The following CRISP1 variants were observed in gnomAD, a reference collection of about 807,000 sequenced individuals.
CRISP1 encodes the protein cysteine rich secretory protein 1.
CRISP1 carries 44 observed loss-of-function variants against 33.1 expected under a neutral mutation model. That is an observed-to-expected ratio of 1.33 (90% CI 1.05 to 1.71). The LOEUF (loss-of-function observed/expected upper bound fraction) is 1.71. Ranked by LOEUF, CRISP1 falls within the 40% of genes most tolerant of loss-of-function variation. The pLI is 0.00. For synonymous variants in CRISP1, 103 were observed against 98.7 expected (o/e 1.04, Z -0.26); for missense variants, 390 against 301.2 (o/e 1.29, Z -2.18).
chr6:49,860,341 C>T (rs984756440), intron 1 of CRISP1, among the ~76,000 whole-genome samples: 16 of 152,126 alleles, frequency 1.1e-4, no homozygotes, highest in African/African-American at 3.4e-4. Flanking sequence ...GCACATGAAA[C>T]ATTCTCTAGG....
chr6:49,860,938 T>C (rs1180076637), intron 1 of CRISP1, among the ~76,000 whole-genome samples: 1 of 151,738 alleles, frequency 6.6e-6, no homozygotes, highest in Non-Finnish European at 1.5e-5. Context: ...ACTAGAGAAA[T>C]ACAGAAGACC....
intron 1 of CRISP1, among the ~76,000 whole-genome samples, chr6:49,865,877 G>T (rs1385076924): frequency 6.6e-6 from 1 of 152,140 alleles, no homozygotes; most frequent in African/African-American, 2.4e-5. Flanking sequence ...GCCCGCTGGG[G>T]CCCATCACTA....
chr6:49,871,561 C>T (rs1771924964), intron 1 of CRISP1, among the ~76,000 whole-genome samples: 1 of 113,706 alleles, frequency 8.8e-6, no homozygotes, highest in Non-Finnish European at 1.7e-5. Context: ...CCCCCCGCCC[C>T]ACAACAGGCC....
At chr6:49,858,369 C>T (rs1367691275) in intron 1 of CRISP1, among the ~76,000 whole-genome samples, 1 of 151,994 alleles carries the variant, frequency 6.6e-6, no homozygotes, top group Non-Finnish European at 1.5e-5. Flanking sequence ...GTGTGAGAAG[C>T]AAAAAAGGCT....
intron 7 of CRISP1, among the ~76,000 whole-genome samples, chr6:49,837,573 C>G (rs113234275): frequency 0.013 from 1,980 of 151,426 alleles, 42 homozygotes; most frequent in African/African-American, 0.045. Flanking sequence ...TAAAAGAGTA[C>G]AAGAGAAGAG....
At chr6:49,871,254 T>C (rs558164303), upstream of CRISP1, among the ~76,000 whole-genome samples, 1 of 152,098 alleles carries the variant, frequency 6.6e-6, no homozygotes, top group African/African-American at 2.4e-5. Context: ...TATAAGATGA[T>C]GAACACATAG....
At chr6:49,874,419 T>C (rs955805139) in intron 1 of CRISP1, among the ~76,000 whole-genome samples, 1 of 152,100 alleles carries the variant, frequency 6.6e-6, no homozygotes, top group Admixed American at 6.6e-5. Flanking sequence ...TAACTGATAA[T>C]GTGCAAAGAG....
chr6:49,854,858 G>A (rs1771450990), intron 2 of CRISP1, among the ~76,000 whole-genome samples: 2 of 152,090 alleles, frequency 1.3e-5, no homozygotes, highest in Admixed American at 1.3e-4. Context: ...AGAGGGCAAG[G>A]ATGCTGCTGC....
At chr6:49,869,480 C>A (rs142328696), upstream of CRISP1, among the ~76,000 whole-genome samples, 5 of 152,236 alleles carry the variant, frequency 3.3e-5, no homozygotes, top group African/African-American at 7.2e-5. Flanking sequence ...AACAAGAAGA[C>A]CACACAAGAG....
chr6:49,838,140 G>A (rs1414067439), intron 7 of CRISP1, among the ~76,000 whole-genome samples: 3 of 151,414 alleles, frequency 2.0e-5, no homozygotes, highest in Admixed American at 1.3e-4. Flanking sequence ...TTAGAGAGCA[G>A]AGAAAAATCT....
intron 2 of CRISP1, among the ~76,000 whole-genome samples, chr6:49,854,694 T>C (rs1771444980): frequency 6.6e-6 from 1 of 152,196 alleles, no homozygotes; most frequent in Non-Finnish European, 1.5e-5. Flanking sequence ...TAATAGAGCC[T>C]CGCATTTACC....
At chr6:49,847,900 G>T (rs1771230696) in intron 4 of CRISP1, among the ~76,000 whole-genome samples, 1 of 152,002 alleles carries the variant, frequency 6.6e-6, no homozygotes, top group South Asian at 2.1e-4. Flanking sequence ...CCACAGAATG[G>T]AGACCTAGGT....
intron 1 of CRISP1, among the ~76,000 whole-genome samples, chr6:49,858,424 C>G (rs1193498575): frequency 6.6e-6 from 1 of 152,146 alleles, no homozygotes; most frequent in Non-Finnish European, 1.5e-5. Context: ...TTTTAAAGAG[C>G]AAGTTAACAA....
intron 1 of CRISP1, among the ~76,000 whole-genome samples, chr6:49,874,271 A>G (rs558150644): frequency 1.9e-3 from 282 of 152,226 alleles, no homozygotes; most frequent in African/African-American, 3.4e-3. Flanking sequence ...ACAGTTATAT[A>G]GTTTCTTAAG....
intron 5 of CRISP1, among the ~76,000 whole-genome samples, chr6:49,841,753 A>C (rs2127470096): frequency 6.6e-6 from 1 of 152,264 alleles, no homozygotes; most frequent in African/African-American, 2.4e-5. Flanking sequence ...TTTGAGGAAA[A>C]GTGAGCCAGG....
chr6:49,869,236 T>C (rs977073027), upstream of CRISP1, among the ~76,000 whole-genome samples: 24 of 152,156 alleles, frequency 1.6e-4, no homozygotes, highest in African/African-American at 2.7e-4. Flanking sequence ...TGCTTCCAAA[T>C]TGATTTACTT....
At position 49,852,057 on chromosome 6, in the gene CRISP1, T is replaced by C. The variant is rs373430755; in HGVS notation, c.139A>G (p.Ile47Val). Residue 47 changes from isoleucine to valine, a missense_variant, in exon 3 of 8, where the codon ATA becomes GTA. Physicochemically the swap from Ile to Val is conservative, Grantham distance 29 (BLOSUM62 3). Transcript: ENST00000335847. ...LPNVQEEIVNIHNALRRRVVP... is the reference protein window; with the variant it reads ...LPNVQEEIVNVHNALRRRVVP... ...ACTCTTCTCCTGAGGGCGTTGTGTA[T>C]ATTAACGATCTCTTCTTGTACATTT... The C allele has an allele frequency of 9.3e-6, 15 of 1,613,288 alleles. No individual in the cohort carries two copies. Among genetic ancestry groups the C allele is most frequent in the Admixed American group, 1.7e-5 (1 of 59,880 alleles).
chr6:49,847,956 TC>T (rs1352435186), intron 4 of CRISP1, among the ~76,000 whole-genome samples: 2 of 152,138 alleles, frequency 1.3e-5, no homozygotes, highest in Admixed American at 1.3e-4. Flanking sequence ...GATTTTTTAT[TC>T]ATTTCTCCTG....
intron 1 of CRISP1, among the ~76,000 whole-genome samples, chr6:49,872,935 A>C (rs1771959628): frequency 6.6e-6 from 1 of 152,068 alleles, no homozygotes; most frequent in African/African-American, 2.4e-5. Flanking sequence ...CAATTCTGTG[A>C]AGAAAGTCAT....
Sources: allele counts gnomAD v4.1 joint callset (sites outside exome capture counted in the v4.1 genomes callset), GRCh38; gene constraint gnomAD v4.1.1; transcripts MANE v1.5; gene names NCBI Gene and HGNC (gene_info 2026-07-23, HGNC 2026-07-21).